Variants in NAA20 observed in about 807,000 individuals in gnomAD.
NAA20 encodes the protein N-alpha-acetyltransferase 20, NatB catalytic subunit.
A neutral mutation model predicts 23.8 loss-of-function variants in NAA20; 24 were observed. The ratio of observed to expected loss-of-function variants is 1.01; its 90% CI spans 0.73 to 1.42. NAA20 has a LOEUF of 1.42. Among genes scored for constraint, NAA20 ranks in the 40% most tolerant of loss-of-function variants. The pLI, the probability that NAA20 is intolerant of heterozygous loss-of-function variation, is 0.00. For synonymous variants in NAA20, 83 were observed against 77.7 expected (o/e 1.07, Z -0.36); for missense variants, 166 against 223.1 (o/e 0.74, Z 1.63).
At chr20:20,019,268 C>A (rs1489441524) in intron 1 of NAA20, among the ~76,000 whole-genome samples, 2 of 152,178 alleles carry the variant, frequency 1.3e-5, no homozygotes, top group Non-Finnish European at 2.9e-5. Context: ...GCTCTGTGGG[C>A]TGTCATGTGA....
chr20:20,026,391 C>A (rs2043306542), intron 3 of NAA20, among the ~76,000 whole-genome samples: 1 of 152,080 alleles, frequency 6.6e-6, no homozygotes, highest in African/African-American at 2.4e-5. Context: ...TCATAGCATC[C>A]TCATTGAATT....
intron 1 of NAA20, 55 bp downstream of exon 1, chr20:20,017,504 C>G (rs1389221482): frequency 6.4e-7 from 1 of 1,559,930 alleles, no homozygotes; most frequent in Non-Finnish European, 8.7e-7. Context: ...GCTTCCCGGC[C>G]CCGCCAGCTC....
intron 1 of NAA20, among the ~76,000 whole-genome samples, chr20:20,021,906 A>T (rs1464600909): frequency 6.6e-6 from 1 of 152,096 alleles, no homozygotes; most frequent in Admixed American, 6.5e-5. Flanking sequence ...CCAGGTTGGG[A>T]GGCATCCACT....
chr20:20,020,801 A>AT (rs150461337), intron 1 of NAA20, among the ~76,000 whole-genome samples: 1,832 of 152,314 alleles, frequency 0.012, 26 homozygotes, highest in African/African-American at 0.042. Context: ...TGAAGACAGC[A>AT]TTTCAGGCTG....
intron 2 of NAA20, among the ~76,000 whole-genome samples, chr20:20,023,217 C>T (rs747495290): frequency 1.5e-4 from 22 of 151,062 alleles, no homozygotes; most frequent in Non-Finnish European, 2.4e-4. Context: ...AACCAGGACC[C>T]GGGAGGCAGA....
chr20:20,025,748 T>C lies in NAA20; in HGVS notation c.150T>C (p.Gly50=), dbSNP rs776967263. The change falls in exon 3 of 6, where the codon GGT becomes GGC. Residue 50 remains glycine (G), a synonymous_variant. Coordinates refer to ENST00000334982, the MANE Select transcript of NAA20 (RefSeq NM_016100.5). ...PEYFIVAEAP[G]GELMGYIMGK... ...ATTTCATTGTTGCAGAGGCACCTGGTGGAGAATTAATGGGTTATAGTAAGT... is the reference window on the plus strand; with the variant it reads ...ATTTCATTGTTGCAGAGGCACCTGGCGGAGAATTAATGGGTTATAGTAAGT... 6.2e-7 allele frequency: 1 copy of C among 1,606,688 alleles called. No individual in the cohort carries two copies. Among genetic ancestry groups the C allele is most frequent in the Non-Finnish European group, 8.5e-7 (1 of 1,173,320 alleles).
intron 4 of NAA20, among the ~76,000 whole-genome samples, chr20:20,028,613 T>G (rs1330850209): frequency 6.6e-6 from 1 of 152,212 alleles, no homozygotes; most frequent in East Asian, 1.9e-4. Flanking sequence ...TTCTAAGCCT[T>G]CATTATTTTA....
At position 20,018,814 on chromosome 20, in the gene NAA20, C is replaced by A. The variant is rs2043248975; in HGVS notation, c.53+1365C>A. The A allele has an allele frequency of 1.6e-5, 13 of 838,074 alleles. 1 individual carries two copies. In the South Asian group the frequency reaches 6.0e-4, roughly 39 times the overall value. 51.9% of individuals were successfully genotyped at this position (838,074 alleles called of 1,614,324 possible). A position where few individuals can be genotyped will look rare whatever the true frequency, so the allele number is the denominator to read the frequency against. On this transcript the variant is annotated intron_variant, in intron 1 of 5. Transcript: ENST00000334982. ...CACGATTCTTTGAGGTGCTGTCACC[C>A]CCATTTTGTGTATGAGTAAACCAAG...
chr20:20,030,437 A>G (rs866569796), intron 4 of NAA20, among the ~76,000 whole-genome samples: 1 of 152,202 alleles, frequency 6.6e-6, no homozygotes, highest in Non-Finnish European at 1.5e-5. Context: ...AATATCTACA[A>G]GAAATTTGTA....
intron 5 of NAA20, 102 bp from the exon 6 acceptor site, chr20:20,032,999 GT>G: frequency 1.1e-6 from 1 of 908,144 alleles, no homozygotes; most frequent in Non-Finnish European, 1.7e-6. Context: ...ATATGGTGAA[GT>G]GGGGGTAGGG....
At chr20:20,018,951 A>G (rs1024579826) in intron 1 of NAA20, 155 of 984,922 alleles carry the variant, frequency 1.6e-4, no homozygotes, top group Non-Finnish European at 1.8e-4. Context: ...GCCTGTGGTC[A>G]GGGGACCATG....
In NAA20 at chr20:20,017,420, C is replaced by T. The variant is rs1261543479; in HGVS notation, c.24C>T (p.Thr8=). The part of the protein sequence containing the change: MTTLRAF[T]CDDLFRFNNI... The stretch of plus-strand genomic sequence containing the variant: ...CGATGACCACGCTACGGGCCTTTAC[C>T]TGCGACGACCTGTTCCGCTTCAACA... Residue 8 remains threonine (T), a synonymous_variant, in exon 1 of 6, where the codon ACC becomes ACT. Transcript: ENST00000334982. 1.9e-6 allele frequency: 3 copies of T among 1,612,012 alleles called. No homozygotes were observed. Among genetic ancestry groups the T allele is most frequent in the African/African-American group, 1.3e-5 (1 of 74,912 alleles).
chr20:20,017,797 G>C (rs2043241640), intron 1 of NAA20: 2 of 1,448,508 alleles, frequency 1.4e-6, no homozygotes, highest in Non-Finnish European at 1.8e-6. Flanking sequence ...GCGGCCTGGA[G>C]CCCACGACCT....
chr20:20,018,383 A>T, intron 1 of NAA20: 1 of 316,388 alleles, frequency 3.2e-6, no homozygotes, highest in South Asian at 4.7e-5. Flanking sequence ...CTTTAAAAAA[A>T]CAACAGGGCG....
chr20:20,022,299 A>G (rs993408157), intron 1 of NAA20, among the ~76,000 whole-genome samples, 157 bp from the exon 2 acceptor site: 1 of 152,208 alleles, frequency 6.6e-6, no homozygotes, highest in South Asian at 2.1e-4. Context: ...TATTAGGTAG[A>G]TTAAATCATC....
intron 4 of NAA20, among the ~76,000 whole-genome samples, chr20:20,030,564 G>A (rs1002622966): frequency 6.6e-6 from 1 of 152,056 alleles, no homozygotes; most frequent in African/African-American, 2.4e-5. Context: ...AAAAATAAAC[G>A]ATAGGAGGAT....
intron 4 of NAA20, among the ~76,000 whole-genome samples, chr20:20,030,445 G>C (rs536102999): frequency 1.3e-5 from 2 of 152,256 alleles, no homozygotes; most frequent in East Asian, 3.9e-4. Context: ...CAAGAAATTT[G>C]TAGTAAATAT....
chr20:20,027,160 C>A (rs1207804232), intron 4 of NAA20, among the ~76,000 whole-genome samples: 1 of 152,188 alleles, frequency 6.6e-6, no homozygotes, highest in Non-Finnish European at 1.5e-5. Context: ...GGAATTGGTG[C>A]AATTCAGTTC....
upstream of NAA20, chr20:20,017,357 G>T (rs373655518): frequency 1.9e-6 from 3 of 1,609,058 alleles, no homozygotes; most frequent in African/African-American, 1.3e-5. Context: ...GGGCGGGCGC[G>T]GGGTCTTGGC....
Sources: allele counts gnomAD v4.1 joint callset (sites outside exome capture counted in the v4.1 genomes callset), GRCh38; gene constraint gnomAD v4.1.1; transcripts MANE v1.5; gene names NCBI Gene and HGNC (gene_info 2026-07-23, HGNC 2026-07-21).